The following BOLL variants were observed in gnomAD, a reference collection of about 807,000 sequenced individuals.
The protein encoded by BOLL is protein boule-like.
A neutral mutation model predicts 44.4 loss-of-function variants in BOLL; 23 were observed. The observed-to-expected ratio is 0.52, with a 90% CI of 0.37 to 0.73. The LOEUF (loss-of-function observed/expected upper bound fraction) is 0.73, where lower values mean the gene tolerates loss of function less well. Among genes scored for constraint, BOLL ranks in the 30% least tolerant of loss-of-function variants. The probability of loss-of-function intolerance (pLI) is 0.00; values close to 1 mark genes in which losing one functional copy is unlikely to be tolerated. For synonymous variants in BOLL, 97 were observed against 110.8 expected (o/e 0.88, Z 0.78); for missense variants, 287 against 338.3 (o/e 0.85, Z 1.19).
At position 197,776,607 on chromosome 2, in the gene BOLL, T is replaced by C. The variant is rs114245892; in HGVS notation, c.276+452A>G. 5.9e-3 allele frequency among the ~76,000 whole-genome samples: 901 copies of C among 152,070 alleles called. 2 individuals carry two copies. The highest frequency in any genetic ancestry group is 0.027 in the Middle Eastern group (8 of 294). The stretch of plus-strand genomic sequence containing the variant: ...TTTTAATAACATACAATTCAAATTC[T>C]ACTTTTTTTCTAAAAAAGTTAAATG... On this transcript the variant is annotated intron_variant, in intron 4 of 10. Coordinates refer to ENST00000392296, the MANE Select transcript of BOLL (RefSeq NM_033030.6).
chr2:197,741,034 T>G (rs1687706731), intron 10 of BOLL, among the ~76,000 whole-genome samples: 1 of 152,116 alleles, frequency 6.6e-6, no homozygotes, highest in African/African-American at 2.4e-5. Flanking sequence ...ATTGGTAGCT[T>G]GATGGGGATG....
intron 9 of BOLL, among the ~76,000 whole-genome samples, chr2:197,755,607 G>A (rs542557157): frequency 6.6e-6 from 1 of 152,314 alleles, no homozygotes; most frequent in Admixed American, 6.5e-5. Flanking sequence ...CATGGATGGA[G>A]CTGGAAGCCA....
chr2:197,728,813 G>A (rs1014381766), intron 10 of BOLL, among the ~76,000 whole-genome samples: 1 of 152,192 alleles, frequency 6.6e-6, no homozygotes, highest in African/African-American at 2.4e-5. Flanking sequence ...CTAGTCTAGT[G>A]TTACAGTATA....
chr2:197,763,737 G>T (rs1688865094), intron 7 of BOLL, among the ~76,000 whole-genome samples: 1 of 152,156 alleles, frequency 6.6e-6, no homozygotes, highest in South Asian at 2.1e-4. Flanking sequence ...ACAATCAACA[G>T]AGTGAACAGA....
At chr2:197,784,874 C>A in intron 1 of BOLL, 182 bp downstream of exon 1, 1 of 987,432 alleles carries the variant, frequency 1.0e-6, no homozygotes, top group Non-Finnish European at 1.2e-6. Context: ...TACGGAAACA[C>A]CTAGATGGGG....
At chr2:197,771,014 T>G (rs1437093071) in intron 6 of BOLL, among the ~76,000 whole-genome samples, 1 of 152,106 alleles carries the variant, frequency 6.6e-6, no homozygotes, top group Non-Finnish European at 1.5e-5. Context: ...ACCCATAGGA[T>G]TATAAATCAT....
At chr2:197,785,961 G>A, upstream of BOLL, 1 of 1,582,246 alleles carries the variant, frequency 6.3e-7, no homozygotes, top group Non-Finnish European at 8.7e-7. The surrounding 1 kb of genome is among the most constrained non-coding windows in gnomAD (Gnocchi z 6.7). Context: ...CCGCGCCCTG[G>A]GGCCCTGATC....
intron 3 of BOLL, among the ~76,000 whole-genome samples, chr2:197,778,630 A>C (rs772310309): frequency 1.1e-4 from 16 of 151,854 alleles, no homozygotes; most frequent in Non-Finnish European, 1.9e-4. Flanking sequence ...CTATGGCCTA[A>C]AGCAGGGATA....
chr2:197,732,562 T>A (rs1179771390), intron 10 of BOLL, among the ~76,000 whole-genome samples: 18 of 150,956 alleles, frequency 1.2e-4, no homozygotes, highest in Admixed American at 2.0e-4. Flanking sequence ...AAATCCTCAA[T>A]AAAATACTGG....
At chr2:197,770,919 C>A (rs867526526) in intron 6 of BOLL, among the ~76,000 whole-genome samples, 1 of 152,068 alleles carries the variant, frequency 6.6e-6, no homozygotes, top group Non-Finnish European at 1.5e-5. Flanking sequence ...ACTAGTTCAA[C>A]CATTGTGGAA....
At chr2:197,751,971 C>T (rs1333216504) in intron 9 of BOLL, among the ~76,000 whole-genome samples, 1 of 152,162 alleles carries the variant, frequency 6.6e-6, no homozygotes, top group African/African-American at 2.4e-5. Context: ...TTGGCTTCAT[C>T]CCTGGGATGC....
intron 7 of BOLL, chr2:197,759,008 C>T: frequency 1.3e-6 from 2 of 1,535,278 alleles, no homozygotes; most frequent in Non-Finnish European, 8.7e-7. Context: ...GTTTAATTCC[C>T]TCGTAAAAAA....
intron 10 of BOLL, among the ~76,000 whole-genome samples, chr2:197,739,170 A>G (rs1416367122): frequency 6.6e-6 from 1 of 152,180 alleles, no homozygotes; most frequent in African/African-American, 2.4e-5. Context: ...TGAGAAACAC[A>G]AAATTCTACA....
intron 10 of BOLL, among the ~76,000 whole-genome samples, chr2:197,739,451 G>C (rs1687640829): frequency 6.6e-6 from 1 of 151,856 alleles, no homozygotes; most frequent in Non-Finnish European, 1.5e-5. Context: ...TTATTTTGTA[G>C]AGGCTGAGGA....
Position 197,727,463 on chromosome 2 carries a change from C to A in BOLL, c.*1092G>T, listed in dbSNP as rs1029635008. The A allele has an allele frequency of 2.0e-5, 3 of 152,266 alleles. No homozygotes were observed. The highest frequency in any genetic ancestry group is 1.3e-4 in the Admixed American group (2 of 15,254). The allele number at this position is 152,266 out of a possible 1,614,324, so 9.4% of individuals were successfully genotyped here. ...CTGTAGAAATTTTAGAGATTAAAAA[C>A]CCCTATGATTTGTTCTGTACCTTTT... On this transcript the variant is annotated 3_prime_UTR_variant, in exon 11 of 11. Transcript: ENST00000392296.
At chr2:197,733,420 C>G (rs1687305673) in intron 10 of BOLL, among the ~76,000 whole-genome samples, 1 of 150,804 alleles carries the variant, frequency 6.6e-6, no homozygotes, top group Non-Finnish European at 1.5e-5. Context: ...CCATCCCCAT[C>G]AAGCTACCAA....
intron 10 of BOLL, among the ~76,000 whole-genome samples, chr2:197,741,894 A>G (rs1320895732): frequency 6.6e-6 from 1 of 152,228 alleles, no homozygotes; most frequent in Non-Finnish European, 1.5e-5. Flanking sequence ...AATGGGAGAA[A>G]ATTTTCACAA....
At chr2:197,749,737 GA>G (rs564212624) in intron 9 of BOLL, among the ~76,000 whole-genome samples, 66 of 152,214 alleles carry the variant, frequency 4.3e-4, no homozygotes, top group Non-Finnish European at 4.7e-4. Context: ...GGGACTATGT[GA>G]AAAGGCCAAA....
chr2:197,729,257 G>A lies in BOLL; in HGVS notation c.829-679C>T, dbSNP rs112208254. Among the ~76,000 whole-genome samples, 926 of 152,292 alleles carry A rather than the reference G, an allele frequency of 6.1e-3. 16 individuals are homozygous for A. The highest frequency in any genetic ancestry group is 0.021 in the African/African-American group (866 of 41,566). ...CGGGTCACTACTGCGCTTTTCCGAC[G>A]GGCTTAAAAAACGGCGCACCACGAG... On this transcript the variant is annotated intron_variant, in intron 10 of 10. Coordinates refer to ENST00000392296, the MANE Select transcript of BOLL (RefSeq NM_033030.6).
Sources: allele counts gnomAD v4.1 joint callset (sites outside exome capture counted in the v4.1 genomes callset), GRCh38; gene constraint gnomAD v4.1.1; non-coding constraint Gnocchi (gnomAD v3.1); transcripts MANE v1.5; gene names NCBI Gene and HGNC (gene_info 2026-07-23, HGNC 2026-07-21).